The following SLC7A11 variants were observed in gnomAD, a reference collection of about 807,000 sequenced individuals.
The protein encoded by SLC7A11 is cystine/glutamate transporter.
Under a neutral mutation model 54.5 loss-of-function variants are expected in SLC7A11, and 35 were observed. That is an observed-to-expected ratio of 0.64 (90% CI 0.49 to 0.85). SLC7A11 has a LOEUF of 0.85. Ranked by LOEUF, SLC7A11 falls within the 40% of genes least tolerant of loss-of-function variation. SLC7A11 has a pLI of 0.00. For synonymous variants in SLC7A11, 230 were observed against 225.2 expected, an observed-to-expected ratio of 1.02 and a Z score of -0.19; for missense variants, 583 against 618.1, an observed-to-expected ratio of 0.94 and a Z score of 0.60.
chr4:138,223,259 A>C lies in SLC7A11; in HGVS notation c.586T>G (p.Phe196Val). 5 of 1,613,686 alleles carry C rather than the reference A, an allele frequency of 3.1e-6. No homozygotes were observed. The highest frequency in any genetic ancestry group is 4.2e-6 in the Non-Finnish European group (5 of 1,179,606). The stretch of plus-strand genomic sequence containing the variant: ...ATCAGAATTGCTGTGAGCTTGCAAA[A>C]GGTTAAGAAAATCTGGATCCGGGCG... The part of the protein sequence containing the change: ...WSARIQIFLT[F>V]CKLTAILIII... Residue 196 changes from phenylalanine to valine, a missense_variant, in exon 4 of 12, where the codon TTT becomes GTT. Phe to Val is a conservative substitution (Grantham distance 50). Coordinates refer to ENST00000280612, the MANE Select transcript of SLC7A11 (RefSeq NM_014331.4).
At chr4:138,206,825 C>T (rs1475157766) in intron 6 of SLC7A11, among the ~76,000 whole-genome samples, 1 of 151,864 alleles carries the variant, frequency 6.6e-6, no homozygotes, top group African/African-American at 2.4e-5. Flanking sequence ...CAAGGAAGAG[C>T]AATTTGGTGA....
In SLC7A11 at chr4:138,200,703, G is replaced by T. The variant is rs575308443; in HGVS notation, c.791+13882C>A. Among the ~76,000 whole-genome samples the T allele has an allele frequency of 1.6e-4, 24 of 152,128 alleles. 1 individual carries two copies. In the South Asian group the frequency reaches 2.3e-3, roughly 14 times the overall value. On this transcript the variant is annotated intron_variant, in intron 6 of 11. Coordinates refer to ENST00000280612, the MANE Select transcript of SLC7A11 (RefSeq NM_014331.4). The stretch of plus-strand genomic sequence containing the variant: ...CTATTTCGTTAGCTTCACAATAAAA[G>T]GGTTGTGAATTTTGATGGTTCCTCC...
intron 6 of SLC7A11, among the ~76,000 whole-genome samples, chr4:138,211,605 T>G (rs1323481782): frequency 1.3e-5 from 2 of 151,886 alleles, no homozygotes; most frequent in African/African-American, 2.4e-5. Flanking sequence ...GCAGCACTAT[T>G]CAAAATAGCC....
Position 138,180,636 on chromosome 4 carries a change from G to A in SLC7A11, c.1266+5C>T. 1.2e-6 allele frequency: 2 copies of A among 1,612,374 alleles called. No individual in the cohort carries two copies. The highest frequency in any genetic ancestry group is 1.7e-6 in the Non-Finnish European group (2 of 1,179,072). ...ATGTAAACCCATCAAGATTGCTGAG[G>A]TTACCTTGAAAGGACGATGCATATC... On this transcript the variant is annotated splice_donor_5th_base_variant and intron_variant, in intron 10 of 11. Transcript: ENST00000280612.
chr4:138,224,738 A>G (rs972826314), intron 3 of SLC7A11, among the ~76,000 whole-genome samples: 1 of 151,738 alleles, frequency 6.6e-6, no homozygotes, highest in Non-Finnish European at 1.5e-5. Flanking sequence ...ATGATATATT[A>G]CTGATCAATA....
intron 11 of SLC7A11, among the ~76,000 whole-genome samples, chr4:138,172,264 T>G (rs1315499643): frequency 6.6e-6 from 1 of 152,182 alleles, no homozygotes; most frequent in Non-Finnish European, 1.5e-5. Flanking sequence ...ATAAGGATTT[T>G]TATTCATGGA....
intron 11 of SLC7A11, chr4:138,176,223 C>T (rs564051090): frequency 1.2e-4 from 19 of 152,216 alleles, no homozygotes; most frequent in South Asian, 1.0e-3. Flanking sequence ...AACAAAATTA[C>T]GGAGGACTGT....
At chr4:138,176,809 A>G (rs1054660545) in intron 11 of SLC7A11, 2 of 152,164 alleles carry the variant, frequency 1.3e-5, no homozygotes, top group African/African-American at 4.8e-5. Context: ...GTGCTAATCT[A>G]TCCTAAATGT....
chr4:138,188,067 A>AT (rs1214267530), intron 6 of SLC7A11, among the ~76,000 whole-genome samples: 70 of 151,952 alleles, frequency 4.6e-4, no homozygotes, highest in African/African-American at 1.4e-3. Flanking sequence ...TTTTAAAAAA[A>AT]TTTTCTTTTT....
chr4:138,196,935 C>G (rs4330397), intron 6 of SLC7A11, among the ~76,000 whole-genome samples: 41,422 of 152,150 alleles, frequency 0.27, 6,818 homozygotes, highest in South Asian at 0.43. Context: ...GCTAGGATTA[C>G]AGGCGTGAGC....
At position 138,200,675 on chromosome 4, in the gene SLC7A11, CT is replaced by C. The variant is rs568922983; in HGVS notation, c.791+13909del. Among the ~76,000 whole-genome samples, 11 of 152,172 alleles carry C rather than the reference CT, an allele frequency of 7.2e-5. No homozygotes were observed. In the East Asian group the frequency reaches 2.1e-3, roughly 29 times the overall value. ...TAGACAAATTAATCCATCTCTGTGG[CT>C]TCTATTTCGTTAGCTTCACAATAAA... is the stretch of plus-strand genomic sequence containing the variant. On this transcript the variant is annotated intron_variant, in intron 6 of 11. Coordinates refer to ENST00000280612, the MANE Select transcript of SLC7A11 (RefSeq NM_014331.4).
intron 5 of SLC7A11, among the ~76,000 whole-genome samples, chr4:138,215,936 A>G (rs1737669704): frequency 6.6e-6 from 1 of 152,198 alleles, no homozygotes; most frequent in Non-Finnish European, 1.5e-5. Flanking sequence ...TGAAAAATAG[A>G]ACACAATTTC....
intron 6 of SLC7A11, among the ~76,000 whole-genome samples, chr4:138,206,996 C>CAAAAAA (rs369656942): frequency 3.6e-4 from 41 of 113,614 alleles, no homozygotes; most frequent in South Asian, 6.1e-4. Context: ...TAAAGAAAAG[C>CAAAAAA]AAAAAAAAAA....
intron 6 of SLC7A11, among the ~76,000 whole-genome samples, chr4:138,196,622 CTTTT>C (rs964446783): frequency 1.7e-4 from 26 of 151,080 alleles, no homozygotes; most frequent in African/African-American, 6.3e-4. Context: ...TTGATGTTGC[CTTTT>C]TTTAATTTAA....
At position 138,242,192 on chromosome 4, in the gene SLC7A11, T is replaced by G; in HGVS notation, c.-123A>C. On this transcript the variant is annotated 5_prime_UTR_variant, in exon 1 of 12. Transcript: ENST00000280612. ...TTTCAGACTGTCTCTCTCAGCGCTA[T>G]AGTGTTCACAGGTGAAAACTCAAAG... The G allele has an allele frequency of 1.7e-5, 19 of 1,120,530 alleles. No homozygotes were observed. Among genetic ancestry groups the G allele is most frequent in the Non-Finnish European group, 2.1e-5 (17 of 796,234 alleles). The allele number at this position is 1,120,530 out of a possible 1,614,324, so 69.4% of individuals were successfully genotyped here.
intron 6 of SLC7A11, among the ~76,000 whole-genome samples, chr4:138,197,397 G>C (rs1320761215): frequency 1.3e-5 from 2 of 151,932 alleles, no homozygotes; most frequent in Non-Finnish European, 2.9e-5. Flanking sequence ...AAGAACAAAA[G>C]ACAAAAAGAG....
intron 4 of SLC7A11, 88 bp downstream of exon 4, chr4:138,223,111 G>A (rs1398627401): frequency 8.5e-7 from 1 of 1,175,720 alleles, no homozygotes; most frequent in East Asian, 2.4e-5. Flanking sequence ...GACTAATTAA[G>A]GATTCTGTTA....
At chr4:138,183,490 C>T (rs779044593) in intron 7 of SLC7A11, among the ~76,000 whole-genome samples, 185 bp from the exon 8 acceptor site, 1 of 152,114 alleles carries the variant, frequency 6.6e-6, no homozygotes, top group Non-Finnish European at 1.5e-5. Context: ...AGGACCATGG[C>T]ATTGCTTGTT....
chr4:138,174,870 AAAC>A (rs1246434611), intron 11 of SLC7A11: 2 of 152,198 alleles, frequency 1.3e-5, no homozygotes, highest in African/African-American at 2.4e-5. Context: ...AAATAATTTG[AAAC>A]AACAACTGAC....
Sources: allele counts gnomAD v4.1 joint callset (sites outside exome capture counted in the v4.1 genomes callset), GRCh38; gene constraint gnomAD v4.1.1; transcripts MANE v1.5; gene names NCBI Gene and HGNC (gene_info 2026-07-23, HGNC 2026-07-21).